The following DGKB variants were observed in gnomAD, a reference collection of about 807,000 sequenced individuals.
The protein encoded by DGKB is diacylglycerol kinase beta.
DGKB carries 67 observed loss-of-function variants against 114.3 expected under a neutral mutation model. The ratio of observed to expected loss-of-function variants is 0.59; its 90% CI spans 0.48 to 0.72. The LOEUF (loss-of-function observed/expected upper bound fraction) is 0.72, where lower values mean the gene tolerates loss of function less well. DGKB is among the 30% of genes least tolerant of loss of function. The probability of loss-of-function intolerance (pLI) is 0.00; values close to 1 mark genes in which losing one functional copy is unlikely to be tolerated. For missense variants in DGKB, 907 were observed against 975.2 expected, an observed-to-expected ratio of 0.93 and a Z score of 0.93; for synonymous variants, 398 against 323.1, an observed-to-expected ratio of 1.23 and a Z score of -2.49.
At chr7:14,935,222 C>T (rs917636617) in intron 1 of DGKB, among the ~76,000 whole-genome samples, 2 of 152,010 alleles carry the variant, frequency 1.3e-5, no homozygotes, top group African/African-American at 2.4e-5. Flanking sequence ...AAAAAGAGAG[C>T]ATTTATTGTA....
chr7:14,635,984 T>A (rs1182165133), intron 13 of DGKB, among the ~76,000 whole-genome samples: 2 of 151,684 alleles, frequency 1.3e-5, no homozygotes, highest in African/African-American at 4.8e-5. Context: ...AATTAAAGCC[T>A]AGGTCTCCTT....
intron 1 of DGKB, among the ~76,000 whole-genome samples, chr7:14,900,068 T>C (rs546177824): frequency 6.6e-6 from 1 of 152,318 alleles, no homozygotes; most frequent in African/African-American, 2.4e-5. Context: ...CTTGACACAG[T>C]ATGTGCAACT....
At chr7:14,458,764 T>C (rs1164210203) in intron 21 of DGKB, among the ~76,000 whole-genome samples, 5 of 152,128 alleles carry the variant, frequency 3.3e-5, no homozygotes. Flanking sequence ...AAGTACAAAA[T>C]TGGGCTGCCA....
intron 12 of DGKB, among the ~76,000 whole-genome samples, chr7:14,677,562 G>T (rs956073163): frequency 6.6e-6 from 1 of 152,010 alleles, no homozygotes; most frequent in African/African-American, 2.4e-5. Flanking sequence ...TGAAATAGGT[G>T]TTATTTTTTC....
At chr7:14,545,037 G>C (rs1794063310) in intron 20 of DGKB, among the ~76,000 whole-genome samples, 1 of 150,192 alleles carries the variant, frequency 6.7e-6, no homozygotes, top group African/African-American at 2.5e-5. Flanking sequence ...CTTTATACTT[G>C]CTACCATATC....
intron 1 of DGKB, among the ~76,000 whole-genome samples, chr7:14,850,971 A>G (rs1849272989): frequency 6.6e-6 from 1 of 152,202 alleles, no homozygotes; most frequent in Non-Finnish European, 1.5e-5. Flanking sequence ...AAAGTAGATA[A>G]TATCTCCCAC....
chr7:14,765,787 T>C (rs1836362930), intron 2 of DGKB, among the ~76,000 whole-genome samples: 1 of 151,926 alleles, frequency 6.6e-6, no homozygotes, highest in Non-Finnish European at 1.5e-5. Flanking sequence ...AAACTTCTAT[T>C]GAAAACATAA....
At chr7:14,704,394 G>A (rs541494547) in intron 6 of DGKB, among the ~76,000 whole-genome samples, 1 of 146,826 alleles carries the variant, frequency 6.8e-6, no homozygotes. Flanking sequence ...CTTGCAGTGA[G>A]CCGAGATCAC....
In DGKB at chr7:14,476,062, C is replaced by A. The variant is rs111328940; in HGVS notation, c.1835+2099G>T. ...TATGTTAAACTCTCTAAGAGGTACA[C>A]TCCAAAAGGTATTATCCAAACACAC... is the stretch of plus-strand genomic sequence containing the variant. On this transcript the variant is annotated intron_variant, in intron 21 of 25. Coordinates refer to ENST00000402815, the MANE Select transcript of DGKB (RefSeq NM_001350709.2). 1.6e-3 allele frequency among the ~76,000 whole-genome samples: 241 copies of A among 152,042 alleles called. 2 individuals carry two copies. Among genetic ancestry groups the A allele is most frequent in the African/African-American group, 5.6e-3 (234 of 41,526 alleles).
intron 20 of DGKB, among the ~76,000 whole-genome samples, chr7:14,480,290 T>G (rs891585686): frequency 2.0e-5 from 3 of 152,084 alleles, no homozygotes; most frequent in African/African-American, 7.2e-5. Flanking sequence ...ATGGATCATT[T>G]AGTTAAGAGG....
chr7:14,644,879 A>G (rs1363572743), intron 13 of DGKB, among the ~76,000 whole-genome samples: 1 of 152,182 alleles, frequency 6.6e-6, no homozygotes, highest in East Asian at 1.9e-4. Context: ...TTAAATTAAA[A>G]AGGTCCTATC....
At chr7:14,572,981 G>A (rs1327216022) in intron 20 of DGKB, among the ~76,000 whole-genome samples, 1 of 150,638 alleles carries the variant, frequency 6.6e-6, no homozygotes, top group Admixed American at 6.6e-5. Context: ...CTGAAACTGG[G>A]AAAAAGAGCC....
chr7:14,548,323 T>C (rs10499451), intron 20 of DGKB, among the ~76,000 whole-genome samples: 5,981 of 152,160 alleles, frequency 0.039, 211 homozygotes, highest in East Asian at 0.2. Flanking sequence ...TGAGAAACAA[T>C]GTGTAAAATG....
At chr7:14,318,892 G>A (rs1473087605) in intron 23 of DGKB, among the ~76,000 whole-genome samples, 1 of 152,106 alleles carries the variant, frequency 6.6e-6, no homozygotes, top group African/African-American at 2.4e-5. Context: ...CAACCCAAAT[G>A]TCCCACAATG....
At chr7:14,966,610 G>A (rs1011237253) in intron 1 of DGKB, among the ~76,000 whole-genome samples, 3 of 152,032 alleles carry the variant, frequency 2.0e-5, no homozygotes, top group African/African-American at 7.2e-5. Flanking sequence ...GGCCTTTAAG[G>A]GAACATTCAA....
intron 12 of DGKB, among the ~76,000 whole-genome samples, chr7:14,675,898 C>T (rs1234167424): frequency 6.6e-6 from 1 of 152,000 alleles, no homozygotes; most frequent in African/African-American, 2.4e-5. Context: ...AGTGTTAAAA[C>T]TGAGGGCATC....
In DGKB at chr7:14,790,997, A is replaced by T. The variant is rs536542883; in HGVS notation, c.71-33266T>A. ...TATTTCCTTCATCAGATTTTTAAAA[A>T]TTTTTTTCTTTTTGTAAAGAACGGG... On this transcript the variant is annotated intron_variant, in intron 2 of 25. Transcript: ENST00000402815. Among the ~76,000 whole-genome samples, 6 of 152,030 alleles carry T rather than the reference A, an allele frequency of 3.9e-5. No individual in the cohort carries two copies. In the East Asian group the frequency reaches 7.7e-4, roughly 20 times the overall value.
intron 2 of DGKB, among the ~76,000 whole-genome samples, chr7:14,789,287 T>A (rs1347366374): frequency 6.6e-6 from 1 of 152,118 alleles, no homozygotes; most frequent in Non-Finnish European, 1.5e-5. Context: ...ATGCTGCCCT[T>A]TAGTAATCAT....
At chr7:14,313,263 G>C (rs1340166902) in intron 23 of DGKB, among the ~76,000 whole-genome samples, 2 of 152,094 alleles carry the variant, frequency 1.3e-5, no homozygotes, top group Non-Finnish European at 2.9e-5. Flanking sequence ...CATATTGCGG[G>C]GAGGAGCCAA....
Sources: allele counts gnomAD v4.1 joint callset (sites outside exome capture counted in the v4.1 genomes callset), GRCh38; gene constraint gnomAD v4.1.1; transcripts MANE v1.5; gene names NCBI Gene and HGNC (gene_info 2026-07-23, HGNC 2026-07-21).